Variants in XRN1 observed in about 807,000 individuals in gnomAD.
The protein encoded by XRN1 is 5'-3' exoribonuclease 1.
Under a neutral mutation model 222.3 loss-of-function variants are expected in XRN1, and 67 were observed. The observed-to-expected ratio is 0.30, with a 90% CI of 0.25 to 0.37. The LOEUF is 0.37. Among genes scored for constraint, XRN1 ranks in the 10% least tolerant of loss-of-function variants. XRN1 has a pLI of 1.00. For missense variants in XRN1, 1,707 were observed against 2,000.2 expected, an observed-to-expected ratio of 0.85 and a Z score of 2.80; for synonymous variants, 643 against 652.4, an observed-to-expected ratio of 0.99 and a Z score of 0.22.
chr3:142,435,397 C>CA (rs762429201), intron 1 of XRN1: 349 of 98,176 alleles, frequency 3.6e-3, no homozygotes, highest in African/African-American at 7.4e-3. Flanking sequence ...GACTCTGTAT[C>CA]AAAAAAAAAA....
intron 34 of XRN1, 127 bp from the exon 35 acceptor site, chr3:142,333,216 G>A: frequency 2.7e-6 from 3 of 1,103,878 alleles, no homozygotes; most frequent in South Asian, 1.9e-5. Flanking sequence ...GTTAAAGTTT[G>A]GGAAGAGAAT....
chr3:142,341,993 G>A (rs576690286), intron 33 of XRN1, among the ~76,000 whole-genome samples: 31 of 152,218 alleles, frequency 2.0e-4, no homozygotes, highest in African/African-American at 6.0e-4. Flanking sequence ...AGCTGGATAC[G>A]TCAAGATTCC....
At chr3:142,437,319 T>C (rs1001743034) in intron 1 of XRN1, among the ~76,000 whole-genome samples, 1 of 152,234 alleles carries the variant, frequency 6.6e-6, no homozygotes, top group Non-Finnish European at 1.5e-5. Context: ...CCATTTCCAC[T>C]GTCTTAGGTA....
chr3:142,364,979 C>T (rs748437021), intron 29 of XRN1, 68 bp downstream of exon 29: 1 of 1,479,148 alleles, frequency 6.8e-7, no homozygotes, highest in Non-Finnish European at 9.0e-7. Flanking sequence ...ATATAAAAAA[C>T]AGACAAGCCT....
intron 30 of XRN1, among the ~76,000 whole-genome samples, chr3:142,358,198 C>T (rs1031163996): frequency 5.3e-5 from 8 of 152,114 alleles, no homozygotes; most frequent in Admixed American, 1.3e-4. Context: ...ATTTGTCTAT[C>T]GGTCAAATGT....
At chr3:142,376,148 CAA>C in intron 24 of XRN1, 1 of 875,274 alleles carries the variant, frequency 1.1e-6, no homozygotes, top group Non-Finnish European at 1.6e-6. Flanking sequence ...CTTCAAAACC[CAA>C]GTTAACAAAG....
chr3:142,421,582 A>G (rs759503667), intron 8 of XRN1, 39 bp from the exon 9 acceptor site: 1 of 1,440,652 alleles, frequency 6.9e-7, no homozygotes, highest in Non-Finnish European at 9.6e-7. Flanking sequence ...CTAAAAGCTG[A>G]CATTTTTTCT....
chr3:142,352,834 G>A lies in XRN1; in HGVS notation c.3768+2567C>T, dbSNP rs1189184645. Reference sequence around the variant, plus strand: ...ATTTTTTGTATTGTTTGTAGAGATGGGGTTTCACCATGTTGGCCAGGCTGG... The same window carrying A: ...ATTTTTTGTATTGTTTGTAGAGATGAGGTTTCACCATGTTGGCCAGGCTGG... On this transcript the variant is annotated intron_variant, in intron 32 of 40. Transcript: ENST00000392981. 2.6e-5 allele frequency among the ~76,000 whole-genome samples: 4 copies of A among 152,112 alleles called. No homozygotes were observed. The South Asian group carries it at 6.2e-4, about 24-fold the overall frequency.
chr3:142,443,494 A>C (rs2070344014), intron 1 of XRN1, among the ~76,000 whole-genome samples: 1 of 152,226 alleles, frequency 6.6e-6, no homozygotes, highest in South Asian at 2.1e-4. Flanking sequence ...AGGTAAAGAA[A>C]TAGCCAATCA....
intron 3 of XRN1, 54 bp from the exon 4 acceptor site, chr3:142,425,592 T>A: frequency 7.0e-7 from 1 of 1,438,848 alleles, no homozygotes; most frequent in East Asian, 2.4e-5. Flanking sequence ...AAACATTAAG[T>A]TCTCAGTGAC....
Position 142,318,643 on chromosome 3 carries a change from G to C in XRN1, c.4570C>G (p.Pro1524Ala). Residue 1524 changes from proline (P) to alanine (A), a missense_variant, in exon 39 of 41, where the codon CCT (proline) becomes GCT (alanine). Physicochemically the swap from Pro to Ala is conservative, Grantham distance 27 (BLOSUM62 -1). Transcript: ENST00000392981. Reference sequence around the variant, plus strand: ...ATGGTTCCAGGTGGTACAGCTGAAGGATAATTTGCAAATACTTGTGAAGGC... The same window carrying C: ...ATGGTTCCAGGTGGTACAGCTGAAGCATAATTTGCAAATACTTGTGAAGGC... ...PLPSQVFANY[P>A]SAVPPGTIPP... 1 of 1,610,042 alleles carries C rather than the reference G, an allele frequency of 6.2e-7. No homozygotes were observed. The highest frequency in any genetic ancestry group is 8.5e-7 in the Non-Finnish European group (1 of 1,178,502).
chr3:142,411,048 A>AT (rs1486633307), intron 15 of XRN1, among the ~76,000 whole-genome samples: 3 of 152,088 alleles, frequency 2.0e-5, no homozygotes, highest in East Asian at 3.9e-4. Flanking sequence ...AGATTTTTAT[A>AT]TTTTTTTCTG....
At chr3:142,434,641 C>G (rs1234769468) in intron 1 of XRN1, among the ~76,000 whole-genome samples, 3 of 150,530 alleles carry the variant, frequency 2.0e-5, no homozygotes, top group Non-Finnish European at 4.4e-5. Context: ...CGTGTCTGTT[C>G]TAGCTACTTG....
At chr3:142,406,417 C>T (rs1032768584) in intron 15 of XRN1, among the ~76,000 whole-genome samples, 1 of 152,222 alleles carries the variant, frequency 6.6e-6, no homozygotes, top group African/African-American at 2.4e-5. Context: ...AAACACAGGA[C>T]AAAAGCTTCT....
At chr3:142,433,244 C>A (rs535528091) in intron 1 of XRN1, among the ~76,000 whole-genome samples, 12 of 152,150 alleles carry the variant, frequency 7.9e-5, no homozygotes, top group Non-Finnish European at 1.8e-4. Context: ...CTCCTCAAAA[C>A]CTCAATTTCC....
chr3:142,327,823 T>G (rs73238140), intron 37 of XRN1, among the ~76,000 whole-genome samples: 20,346 of 152,108 alleles, frequency 0.13, 1,387 homozygotes, highest in African/African-American at 0.15. Context: ...TTTCTCACCA[T>G]CTACTCCCTG....
chr3:142,371,378 G>T, intron 25 of XRN1, 50 bp from the exon 26 acceptor site: 1 of 1,344,736 alleles, frequency 7.4e-7, no homozygotes, highest in Non-Finnish European at 1.0e-6. Context: ...GGTTAATTTC[G>T]GATAAACTTC....
At chr3:142,428,169 G>T (rs76984085) in intron 2 of XRN1, among the ~76,000 whole-genome samples, 131 of 152,182 alleles carry the variant, frequency 8.6e-4, no homozygotes, top group African/African-American at 3.1e-3. Flanking sequence ...AAGGCAGGTG[G>T]ATTACCTAAG....
At chr3:142,430,622 GC>G (rs1164649994) in intron 2 of XRN1, among the ~76,000 whole-genome samples, 1 of 152,140 alleles carries the variant, frequency 6.6e-6, no homozygotes, top group Non-Finnish European at 1.5e-5. Context: ...CTCACCGGCA[GC>G]CTTCTTCAAA....
Sources: allele counts gnomAD v4.1 joint callset (sites outside exome capture counted in the v4.1 genomes callset), GRCh38; gene constraint gnomAD v4.1.1; transcripts MANE v1.5; gene names NCBI Gene and HGNC (gene_info 2026-07-23, HGNC 2026-07-21).